LEPR: variants seen among roughly 807,000 people sequenced by gnomAD.
LEPR encodes leptin receptor, also known as OB receptor.
LEPR carries 56 observed loss-of-function variants against 114.7 expected under a neutral mutation model. The ratio of observed to expected loss-of-function variants is 0.49; its 90% CI spans 0.39 to 0.61. The LOEUF (loss-of-function observed/expected upper bound fraction) is 0.61, where lower values mean the gene tolerates loss of function less well. LEPR is among the 20% of genes least tolerant of loss of function. LEPR has a pLI of 0.00. For missense variants in LEPR, 1,202 were observed against 1,352.9 expected (o/e 0.89, Z 1.75); for synonymous variants, 443 against 461.4 (o/e 0.96, Z 0.51).
At chr1:65,507,462 T>C (rs1648797333) in intron 2 of LEPR, among the ~76,000 whole-genome samples, 1 of 148,078 alleles carries the variant, frequency 6.8e-6, no homozygotes, top group Non-Finnish European at 1.5e-5. Context: ...TGTGTGTGTA[T>C]ATATATATAT....
chr1:65,557,607 A>G (rs1386548190), intron 2 of LEPR, among the ~76,000 whole-genome samples: 3 of 152,126 alleles, frequency 2.0e-5, no homozygotes, highest in Non-Finnish European at 4.4e-5. Flanking sequence ...TTTAGTAGAG[A>G]CAGTGTTTCA....
chr1:65,553,434 A>G (rs1652569983), intron 2 of LEPR, among the ~76,000 whole-genome samples: 1 of 151,460 alleles, frequency 6.6e-6, no homozygotes, highest in African/African-American at 2.4e-5. Flanking sequence ...TTTTTTTTTA[A>G]TCTTGTCTTC....
At chr1:65,531,252 G>A (rs980722350) in intron 2 of LEPR, among the ~76,000 whole-genome samples, 1 of 152,100 alleles carries the variant, frequency 6.6e-6, no homozygotes, top group Admixed American at 6.6e-5. Context: ...TTCCTGCCTT[G>A]AATGCTTGTC....
chr1:65,429,793 T>C, intron 2 of LEPR: 5 of 1,231,422 alleles, frequency 4.1e-6, no homozygotes, highest in Non-Finnish European at 5.4e-6. Flanking sequence ...TTTGAAATAG[T>C]AGTATGTCTT....
intron 2 of LEPR, chr1:65,432,504 C>T (rs1220299663): frequency 4.7e-6 from 3 of 639,580 alleles, no homozygotes; most frequent in East Asian, 2.7e-4. Context: ...TCACACCCAA[C>T]TTCCTTATCT....
In LEPR at chr1:65,601,947, T is replaced by C. The variant is rs1430509934; in HGVS notation, c.1390T>C (p.Leu464=). The part of the protein sequence containing the change: ...IQSLAESTLQ[L]RYHRSSLYCS... ...GTCACTTGCGGAAAGCACTTTGCAA[T>C]TGAGGTATCATAGGTACGTATTATT... Residue 464 remains leucine, a synonymous_variant, in exon 10 of 20, where the codon TTG becomes CTG. Coordinates refer to ENST00000349533, the MANE Select transcript of LEPR (RefSeq NM_002303.6). 6.2e-7 allele frequency: 1 copy of C among 1,613,294 alleles called. No homozygotes were observed. The highest frequency in any genetic ancestry group is 8.5e-7 in the Non-Finnish European group (1 of 1,179,416).
At position 65,469,538 on chromosome 1, in the gene LEPR, G is replaced by A. The variant is rs116673335; in HGVS notation, c.-21+44160G>A. Among the ~76,000 whole-genome samples the A allele has an allele frequency of 5.8e-3, 886 of 152,310 alleles. 7 individuals carry two copies. Among genetic ancestry groups the A allele is most frequent in the African/African-American group, 0.017 (711 of 41,562 alleles). On this transcript the variant is annotated intron_variant, in intron 2 of 19. Coordinates refer to ENST00000349533, the MANE Select transcript of LEPR (RefSeq NM_002303.6). ...ACTCGGGTTCTCTTGAAGGAGTACAGGGCAGAAATCAGGAGATAGAATGAG... is the reference window on the plus strand; with the variant it reads ...ACTCGGGTTCTCTTGAAGGAGTACAAGGCAGAAATCAGGAGATAGAATGAG...
At chr1:65,612,853 A>G (rs1481778943) in intron 14 of LEPR, among the ~76,000 whole-genome samples, 1 of 152,224 alleles carries the variant, frequency 6.6e-6, no homozygotes, top group Admixed American at 6.5e-5. Flanking sequence ...TTAAGGATAC[A>G]TTCTACCAAT....
chr1:65,433,171 C>G (rs1050548348), intron 2 of LEPR: 1 of 985,472 alleles, frequency 1.0e-6, no homozygotes. Flanking sequence ...CCTCTGCCCC[C>G]CACCCCTACT....
At chr1:65,432,773 G>C in intron 2 of LEPR, 1 of 527,386 alleles carries the variant, frequency 1.9e-6, no homozygotes, top group Non-Finnish European at 2.4e-6. Context: ...AGGAATAATT[G>C]AATGTATATT....
rs142816868 is a variant in LEPR, at chr1:65,576,182, G to A, written c.494+3733G>A. 326 of 172,472 alleles carry A rather than the reference G, an allele frequency of 1.9e-3. 3 individuals carry two copies. Among genetic ancestry groups the A allele is most frequent in the East Asian group, 0.018 (124 of 6,764 alleles). The allele number at this position is 172,472 out of a possible 1,614,324, so 10.7% of individuals were successfully genotyped here. A position where few individuals can be genotyped will look rare whatever the true frequency, so the allele number is the denominator to read the frequency against. ...GCCATCACAGATTGCCATAGCCACAGAGTCTTCCTGACCCTGTGGAGCCAC... is the reference window on the plus strand; with the variant it reads ...GCCATCACAGATTGCCATAGCCACAAAGTCTTCCTGACCCTGTGGAGCCAC... On this transcript the variant is annotated intron_variant, in intron 5 of 19. Transcript: ENST00000349533.
chr1:65,582,812 A>G, intron 5 of LEPR, among the ~76,000 whole-genome samples: 1 of 152,178 alleles, frequency 6.6e-6, no homozygotes. Flanking sequence ...CTCAGCTAAT[A>G]GACACGATAT....
intron 2 of LEPR, among the ~76,000 whole-genome samples, chr1:65,473,964 T>A (rs956072118): frequency 2.0e-5 from 3 of 152,238 alleles, no homozygotes. Context: ...TCTCATTAAA[T>A]ATACTGGTAA....
intron 2 of LEPR, among the ~76,000 whole-genome samples, chr1:65,471,269 A>G (rs1055272145): frequency 6.6e-6 from 1 of 152,176 alleles, no homozygotes; most frequent in Non-Finnish European, 1.5e-5. Flanking sequence ...TAGGAGTAAG[A>G]TGAGGAGCAC....
At chr1:65,585,508 C>A (rs1441545082) in intron 5 of LEPR, among the ~76,000 whole-genome samples, 4 of 151,884 alleles carry the variant, frequency 2.6e-5, no homozygotes, top group Non-Finnish European at 5.9e-5. Flanking sequence ...ATATCTCTAC[C>A]TTTTGTGTAA....
At chr1:65,484,475 C>T (rs1039969144) in intron 2 of LEPR, among the ~76,000 whole-genome samples, 4 of 151,960 alleles carry the variant, frequency 2.6e-5, no homozygotes, top group African/African-American at 9.7e-5. Context: ...GTCACACGTC[C>T]AAGGTTTTCC....
At chr1:65,456,790 C>T (rs892288431) in intron 2 of LEPR, among the ~76,000 whole-genome samples, 1 of 152,154 alleles carries the variant, frequency 6.6e-6, no homozygotes, top group African/African-American at 2.4e-5. Flanking sequence ...GTGCATTAGA[C>T]CACTGACATG....
intron 19 of LEPR, among the ~76,000 whole-genome samples, chr1:65,629,607 G>C (rs1239431264): frequency 2.0e-5 from 3 of 151,486 alleles, no homozygotes; most frequent in African/African-American, 4.9e-5. Flanking sequence ...TTTTCCTTAA[G>C]TTTCTAATTG....
At chr1:65,578,065 T>C (rs1654718732) in intron 5 of LEPR, among the ~76,000 whole-genome samples, 1 of 151,332 alleles carries the variant, frequency 6.6e-6, no homozygotes, top group Admixed American at 6.6e-5. Flanking sequence ...GTGTTTGTTT[T>C]TCGGTTCCTG....
Sources: gnomAD v4.1 joint callset for allele counts (sites outside exome capture counted in the v4.1 genomes callset) on GRCh38, gnomAD v4.1.1 for gene constraint, MANE v1.5 for transcripts, NCBI Gene and HGNC (gene_info 2026-07-23, HGNC 2026-07-21) for gene names.